KCNMB3: variants seen among roughly 807,000 people sequenced by gnomAD.
KCNMB3 encodes the protein potassium calcium-activated channel subfamily M regulatory beta subunit 3, also known as calcium-activated potassium channel subunit beta-3.
Under a neutral mutation model 11.9 loss-of-function variants are expected in KCNMB3, and 18 were observed. That is an observed-to-expected ratio of 1.51 (90% CI 1.04 to 2.23). The LOEUF is 2.23. Among genes scored for constraint, KCNMB3 ranks in the 30% most tolerant of loss-of-function variants. KCNMB3 has a pLI of 0.00. For synonymous variants in KCNMB3, 78 were observed against 119.2 expected (o/e 0.65, Z 2.25); for missense variants, 247 against 329.4 (o/e 0.75, Z 1.94).
chr3:179,256,173 C>T (rs1726004312), upstream of KCNMB3, among the ~76,000 whole-genome samples: 1 of 152,214 alleles, frequency 6.6e-6, no homozygotes, highest in African/African-American at 2.4e-5. Flanking sequence ...CAGTGGCTCA[C>T]GCCTGTAATC....
In KCNMB3 at chr3:179,242,892, T is replaced by G; in HGVS notation, c.*12A>C. 1 of 1,568,122 alleles carries G rather than the reference T, an allele frequency of 6.4e-7. No individual in the cohort carries two copies. Among genetic ancestry groups the G allele is most frequent in the Non-Finnish European group, 8.6e-7 (1 of 1,158,188 alleles). On this transcript the variant is annotated 3_prime_UTR_variant, in exon 3 of 3. Transcript: ENST00000392685. ...GACATCTGAAGGCCAGCACTTTAAT[T>G]TGGCCACCGTCTTAAGATTTCTCTG...
chr3:179,262,035 G>A (rs918237749), intron 1 of KCNMB3, among the ~76,000 whole-genome samples: 2 of 152,178 alleles, frequency 1.3e-5, no homozygotes, highest in African/African-American at 4.8e-5. Flanking sequence ...ATGTAACAAT[G>A]CTAATTTGTA....
At chr3:179,262,520 G>A (rs932461982) in intron 1 of KCNMB3, among the ~76,000 whole-genome samples, 1 of 152,230 alleles carries the variant, frequency 6.6e-6, no homozygotes, top group African/African-American at 2.4e-5. Context: ...TTATTGCAAA[G>A]AGCAAAGGAA....
At chr3:179,245,165 C>A (rs1725593671) in intron 1 of KCNMB3, among the ~76,000 whole-genome samples, 1 of 152,148 alleles carries the variant, frequency 6.6e-6, no homozygotes, top group South Asian at 2.1e-4. Context: ...CCAAGATTCA[C>A]CCTCACTCAG....
chr3:179,251,355 C>T (rs1447543803), upstream of KCNMB3: 3 of 1,439,902 alleles, frequency 2.1e-6, no homozygotes, highest in East Asian at 7.5e-5. Flanking sequence ...TTGGAATTAA[C>T]AGCGTCCTGA....
upstream of KCNMB3, among the ~76,000 whole-genome samples, chr3:179,256,607 G>A (rs143988106): frequency 3.2e-3 from 480 of 152,152 alleles, no homozygotes; most frequent in Non-Finnish European, 5.9e-3. Flanking sequence ...TTAATTTCAT[G>A]TTGAAAAGTT....
chr3:179,243,376 G>A (rs1725528266), intron 2 of KCNMB3, 92 bp from the exon 3 acceptor site: 1 of 1,232,546 alleles, frequency 8.1e-7, no homozygotes, highest in Non-Finnish European at 1.2e-6. Flanking sequence ...TCAGGCTGAA[G>A]TTATTAGTGG....
At position 179,251,091 on chromosome 3, in the gene KCNMB3, G is replaced by A; in HGVS notation, c.-101C>T. On this transcript the variant is annotated 5_prime_UTR_variant, in exon 1 of 3. Coordinates refer to ENST00000392685, the MANE Select transcript of KCNMB3 (RefSeq NM_171830.2). ...AAATGAAATCCCAGTTCAGAGCTTG[G>A]TGAAAAGTCCATCTAAATAAGCTAA... is the stretch of plus-strand genomic sequence containing the variant. The A allele has an allele frequency of 6.2e-7, 1 of 1,614,188 alleles. No homozygotes were observed. The highest frequency in any genetic ancestry group is 8.5e-7 in the Non-Finnish European group (1 of 1,180,018).
At chr3:179,250,129 C>A (rs1282561607) in intron 1 of KCNMB3, among the ~76,000 whole-genome samples, 1 of 152,046 alleles carries the variant, frequency 6.6e-6, no homozygotes. Context: ...CTCTCCCTGT[C>A]CTCTTCATGT....
Position 179,263,808 on chromosome 3 carries a change from T to C in KCNMB3, c.62+2841A>G, listed in dbSNP as rs1220968948. 1.1e-4 allele frequency among the ~76,000 whole-genome samples: 15 copies of C among 130,880 alleles called. No individual in the cohort carries two copies. The South Asian group carries it at 3.2e-3, about 28-fold the overall frequency. The allele number at this position is 130,880 out of a possible 152,430, so 85.9% of individuals were successfully genotyped here. A position where few individuals can be genotyped will look rare whatever the true frequency, so the allele number is the denominator to read the frequency against. On this transcript the variant is annotated intron_variant, in intron 1 of 3. Coordinates refer to the KCNMB3 transcript ENST00000349697. ...GTTTTTCTTTTTCTTTTCTTTTTTT[T>C]TTTTTTTTTTTTTTTGAGATGGAGT...
At chr3:179,258,781 T>C (rs542860596) in intron 1 of KCNMB3, among the ~76,000 whole-genome samples, 1 of 152,366 alleles carries the variant, frequency 6.6e-6, no homozygotes, top group African/African-American at 2.4e-5. Flanking sequence ...ACTGGATATA[T>C]GCTCTCAATT....
downstream of KCNMB3, chr3:179,242,320 A>T (rs1725483412): frequency 6.6e-6 from 1 of 152,152 alleles, no homozygotes; most frequent in Non-Finnish European, 1.5e-5. Flanking sequence ...GCTTGAACCC[A>T]GGAGGCAGAG....
At chr3:179,251,509 C>T, upstream of KCNMB3, 1 of 1,386,904 alleles carries the variant, frequency 7.2e-7, no homozygotes. Context: ...CTCCTCCTCT[C>T]TGGCCACTCA....
chr3:179,240,046 T>C (rs1725412969), downstream of KCNMB3: 3 of 1,547,704 alleles, frequency 1.9e-6, no homozygotes, highest in Non-Finnish European at 2.6e-6. Context: ...TCTTTAACTC[T>C]GCAGTCTGTA....
intron 1 of KCNMB3, among the ~76,000 whole-genome samples, chr3:179,263,795 C>CT (rs1181078403): frequency 1.8e-5 from 2 of 110,098 alleles, no homozygotes; most frequent in African/African-American, 3.6e-5. Flanking sequence ...TTTTCTTTTT[C>CT]TTTTCTTTTT....
At chr3:179,252,517 G>C (rs1454619276), upstream of KCNMB3, among the ~76,000 whole-genome samples, 1 of 152,008 alleles carries the variant, frequency 6.6e-6, no homozygotes, top group Non-Finnish European at 1.5e-5. Context: ...TCTAAAGCGA[G>C]TAAAAGGAAT....
upstream of KCNMB3, among the ~76,000 whole-genome samples, chr3:179,253,678 C>T (rs981439534): frequency 2.0e-5 from 3 of 151,970 alleles, no homozygotes; most frequent in African/African-American, 7.3e-5. Flanking sequence ...CGGTGGCATG[C>T]GCCTGTAATC....
intron 1 of KCNMB3, among the ~76,000 whole-genome samples, chr3:179,264,322 G>A (rs189275012): frequency 1.0e-3 from 152 of 151,914 alleles, no homozygotes; most frequent in Non-Finnish European, 1.7e-3. Flanking sequence ...AGTTTTCTCA[G>A]ACCATAAACA....
chr3:179,266,551 G>T lies in KCNMB3; in HGVS notation c.62+98C>A, dbSNP rs1726373873. 12 of 1,423,546 alleles carry T rather than the reference G, an allele frequency of 8.4e-6. No individual in the cohort carries two copies. The South Asian group carries it at 1.5e-4, about 18-fold the overall frequency. The allele number at this position is 1,423,546 out of a possible 1,614,324, so 88.2% of individuals were successfully genotyped here. ...GCAAGTGGGCATCCTCAGAGAAAAA[G>T]GAAACACTCACTCCCCAAGCTCGAG... On this transcript the variant is annotated intron_variant, in intron 1 of 3. Transcript: ENST00000349697.
Sources: allele counts gnomAD v4.1 joint callset (sites outside exome capture counted in the v4.1 genomes callset), GRCh38; gene constraint gnomAD v4.1.1; transcripts MANE v1.5; gene names NCBI Gene and HGNC (gene_info 2026-07-23, HGNC 2026-07-21).